Variants in RORA observed in about 807,000 individuals in gnomAD.
RORA encodes the protein RAR related orphan receptor A.
A neutral mutation model predicts 69.5 loss-of-function variants in RORA; 7 were observed. The ratio of observed to expected loss-of-function variants is 0.10; its 90% CI spans 0.06 to 0.19. RORA has a LOEUF of 0.19. RORA is among the 10% of genes least tolerant of loss of function. The pLI, the probability that RORA is intolerant of heterozygous loss-of-function variation, is 1.00. For missense variants in RORA, 457 were observed against 663.0 expected (o/e 0.69, Z 3.41); for synonymous variants, 261 against 240.8 (o/e 1.08, Z -0.78).
At chr15:61,022,932 C>A (rs1228264231) in intron 1 of RORA, among the ~76,000 whole-genome samples, 4 of 152,050 alleles carry the variant, frequency 2.6e-5, no homozygotes, top group Non-Finnish European at 5.9e-5. Flanking sequence ...CACCTGCAAT[C>A]CCAGCAATTT....
At chr15:60,785,605 A>G (rs2072322947) in intron 1 of RORA, among the ~76,000 whole-genome samples, 1 of 152,168 alleles carries the variant, frequency 6.6e-6, no homozygotes, top group Admixed American at 6.5e-5. Context: ...CCCTCCAGCT[A>G]GCTACATCTC....
chr15:60,921,418 G>A (rs4638513), intron 1 of RORA, among the ~76,000 whole-genome samples: 94,470 of 152,050 alleles, frequency 0.62, 30,039 homozygotes, highest in East Asian at 0.87. Context: ...AGAAGAAGCC[G>A]TCCATAAAAG....
intron 1 of RORA, among the ~76,000 whole-genome samples, chr15:61,054,812 GTTTTTTGTTTTTTGTTTTTTTT>G (rs1382600992): frequency 7.2e-6 from 1 of 139,150 alleles, no homozygotes; most frequent in Admixed American, 7.3e-5. Flanking sequence ...GTTTTTTTTT[GTTTTTTGTTTTTTGTTTTTTTT>G]TTTTTTGGTG....
intron 1 of RORA, among the ~76,000 whole-genome samples, chr15:60,783,269 G>C (rs149520942): frequency 6.6e-6 from 1 of 152,166 alleles, no homozygotes; most frequent in African/African-American, 2.4e-5. Context: ...AAAGGCTTTT[G>C]TACAGACTGT....
chr15:61,129,823 C>G (rs544369512), intron 1 of RORA, among the ~76,000 whole-genome samples: 32 of 152,290 alleles, frequency 2.1e-4, no homozygotes, highest in African/African-American at 7.5e-4. Context: ...GAAAGAGATG[C>G]AGAACTGGGA....
intron 1 of RORA, among the ~76,000 whole-genome samples, chr15:61,127,250 T>G (rs1438187778): frequency 6.6e-6 from 1 of 152,176 alleles, no homozygotes; most frequent in Non-Finnish European, 1.5e-5. Context: ...AATTTATGTC[T>G]CATCATGGAG....
chr15:60,785,588 C>T (rs1376796269), intron 1 of RORA, among the ~76,000 whole-genome samples: 2 of 152,234 alleles, frequency 1.3e-5, no homozygotes, highest in Non-Finnish European at 2.9e-5. Context: ...TCAGGTCTCT[C>T]GTCTGTCCCT....
chr15:61,049,251 G>A (rs956616166), intron 1 of RORA, among the ~76,000 whole-genome samples: 2 of 152,130 alleles, frequency 1.3e-5, no homozygotes, highest in African/African-American at 4.8e-5. Flanking sequence ...TAAACCACAC[G>A]GCTTCTCAGA....
chr15:60,718,282 C>T (rs979417885), intron 1 of RORA, among the ~76,000 whole-genome samples: 1 of 152,100 alleles, frequency 6.6e-6, no homozygotes, highest in East Asian at 1.9e-4. Flanking sequence ...CTCAAGTTTC[C>T]CATCTCATCC....
At chr15:60,788,362 G>C (rs1327896591) in intron 1 of RORA, among the ~76,000 whole-genome samples, 3 of 152,204 alleles carry the variant, frequency 2.0e-5, no homozygotes, top group Non-Finnish European at 4.4e-5. Flanking sequence ...GGTGGGGAAT[G>C]CTTTCCCATT....
intron 1 of RORA, among the ~76,000 whole-genome samples, chr15:60,818,827 C>T (rs541476643): frequency 1.9e-4 from 29 of 152,318 alleles, no homozygotes; most frequent in African/African-American, 6.5e-4. Context: ...GCCCTGTGTA[C>T]ATAAGCCCAG....
At chr15:61,079,705 C>G (rs1397614648) in intron 1 of RORA, among the ~76,000 whole-genome samples, 1 of 152,202 alleles carries the variant, frequency 6.6e-6, no homozygotes, top group Non-Finnish European at 1.5e-5. Flanking sequence ...ATAATGTGCT[C>G]TGCTCTGAGG....
intron 1 of RORA, among the ~76,000 whole-genome samples, chr15:61,036,149 T>C (rs187151778): frequency 2.6e-5 from 4 of 152,322 alleles, no homozygotes; most frequent in Admixed American, 2.0e-4. Context: ...TAAAACTTTC[T>C]GGTGGGGAGC....
chr15:60,717,796 C>CTTTTTTTTTTTTTTT (rs10653856), intron 1 of RORA, among the ~76,000 whole-genome samples: 5 of 91,970 alleles, frequency 5.4e-5, no homozygotes, highest in South Asian at 4.5e-4. Context: ...TTCTTTTTCT[C>CTTTTTTTTTTTTTTT]TTTTTTTTTT....
At chr15:60,597,551 C>CATATATATATATATATATATATACACAT (rs2068701316) in intron 2 of RORA, among the ~76,000 whole-genome samples, 1 of 25,130 alleles carries the variant, frequency 4.0e-5, no homozygotes, top group African/African-American at 1.4e-4. Context: ...ACACACACAA[C>CATATATATATATATATATATATACACAT]ATATATATAT....
chr15:60,913,523 T>C (rs1284061995), intron 1 of RORA, among the ~76,000 whole-genome samples: 4 of 152,254 alleles, frequency 2.6e-5, no homozygotes, highest in African/African-American at 9.6e-5. Flanking sequence ...CGTGACAGGC[T>C]GTGCTGTCCT....
chr15:60,627,164 A>G, intron 2 of RORA: 1 of 1,337,524 alleles, frequency 7.5e-7, no homozygotes, highest in South Asian at 1.2e-5. Context: ...TAAGCCAGAC[A>G]TTGGGTTGTG....
At chr15:60,552,549 G>T (rs1054465864) in intron 2 of RORA, among the ~76,000 whole-genome samples, 1 of 152,128 alleles carries the variant, frequency 6.6e-6, no homozygotes, top group South Asian at 2.1e-4. Flanking sequence ...CATAGCAGGT[G>T]CTCCAAAGGA....
intron 1 of RORA, among the ~76,000 whole-genome samples, chr15:60,987,897 C>T (rs1161404636): frequency 6.6e-6 from 1 of 152,192 alleles, no homozygotes; most frequent in Non-Finnish European, 1.5e-5. Flanking sequence ...AAGGCAAGCC[C>T]TCTTTACCTA....
Sources: allele counts gnomAD v4.1 joint callset (sites outside exome capture counted in the v4.1 genomes callset), GRCh38; gene constraint gnomAD v4.1.1; transcripts MANE v1.5; gene names NCBI Gene and HGNC (gene_info 2026-07-23, HGNC 2026-07-21).